Variants in MACROD2 observed in about 807,000 individuals in gnomAD.
MACROD2 encodes the protein mono-ADP ribosylhydrolase 2, also known as ADP-ribose glycohydrolase MACROD2.
In MACROD2, 36 loss-of-function variants were observed where a neutral mutation model predicts 70.4. The observed-to-expected ratio is 0.51, with a 90% CI of 0.39 to 0.68. MACROD2 has a LOEUF of 0.68. Ranked by LOEUF, MACROD2 falls within the 30% of genes least tolerant of loss-of-function variation. The pLI is 0.00. For missense variants in MACROD2, 496 were observed against 538.4 expected (o/e 0.92, Z 0.78); for synonymous variants, 172 against 178.8 (o/e 0.96, Z 0.30).
chr20:14,160,760 G>A (rs1276903184), intron 3 of MACROD2, among the ~76,000 whole-genome samples: 1 of 151,684 alleles, frequency 6.6e-6, no homozygotes, highest in Non-Finnish European at 1.5e-5. Flanking sequence ...TCCTAATTTT[G>A]CGTTTGTTTT....
At chr20:14,962,687 CCTT>C (rs1161572402) in intron 5 of MACROD2, among the ~76,000 whole-genome samples, 1 of 151,734 alleles carries the variant, frequency 6.6e-6, no homozygotes, top group East Asian at 1.9e-4. Flanking sequence ...ATTACTTCTT[CCTT>C]CTTATCTTTC....
At chr20:15,176,165 G>A (rs2076460175) in intron 5 of MACROD2, among the ~76,000 whole-genome samples, 1 of 152,222 alleles carries the variant, frequency 6.6e-6, no homozygotes, top group Admixed American at 6.5e-5. Context: ...CCAGGAGCAT[G>A]GGAGGGAAGC....
Position 15,690,059 on chromosome 20 carries a change from T to G in MACROD2, c.646-172686T>G, listed in dbSNP as rs147359724. Among the ~76,000 whole-genome samples the G allele has an allele frequency of 4.5e-4, 68 of 152,246 alleles. No individual in the cohort carries two copies. In the East Asian group the frequency reaches 0.013, roughly 29 times the overall value. On this transcript the variant is annotated intron_variant, in intron 8 of 17. Coordinates refer to ENST00000684519, the MANE Select transcript of MACROD2 (RefSeq NM_001351661.2). ...GTGCAATGAAAAACCATCTAATGGTTTTAGGTAGAGGAGCGCATGACCAGA... is the reference window on the plus strand; with the variant it reads ...GTGCAATGAAAAACCATCTAATGGTGTTAGGTAGAGGAGCGCATGACCAGA...
chr20:15,087,894 T>C (rs2075760587), intron 5 of MACROD2, among the ~76,000 whole-genome samples: 1 of 151,900 alleles, frequency 6.6e-6, no homozygotes, highest in African/African-American at 2.4e-5. Flanking sequence ...TTTTAAATGG[T>C]CAATAAACAT....
At chr20:15,919,781 G>A (rs2065374754) in intron 10 of MACROD2, among the ~76,000 whole-genome samples, 1 of 152,134 alleles carries the variant, frequency 6.6e-6, no homozygotes, top group Middle Eastern at 3.4e-3. Context: ...ATCTCAAGAC[G>A]ATCCACTGTC....
At chr20:14,049,066 C>T (rs1417324591) in intron 2 of MACROD2, among the ~76,000 whole-genome samples, 1 of 151,262 alleles carries the variant, frequency 6.6e-6, no homozygotes, top group Non-Finnish European at 1.5e-5. Flanking sequence ...TGACAAAATA[C>T]AGGCTGAAAT....
At chr20:15,611,164 A>G (rs1340395944) in intron 8 of MACROD2, among the ~76,000 whole-genome samples, 1 of 151,998 alleles carries the variant, frequency 6.6e-6, no homozygotes, top group Non-Finnish European at 1.5e-5. Context: ...ATATGTATGT[A>G]CCAGACACTG....
intron 5 of MACROD2, among the ~76,000 whole-genome samples, chr20:15,048,348 A>G (rs2075411976): frequency 6.6e-6 from 1 of 152,124 alleles, no homozygotes; most frequent in Non-Finnish European, 1.5e-5. Context: ...GAGTTTTGTT[A>G]CCACTGCATA....
chr20:15,660,515 TG>T (rs2049805115), intron 8 of MACROD2, among the ~76,000 whole-genome samples: 1 of 152,210 alleles, frequency 6.6e-6, no homozygotes, highest in Non-Finnish European at 1.5e-5. Flanking sequence ...AGCAGGATTT[TG>T]GTGTCAGTAA....
intron 6 of MACROD2, among the ~76,000 whole-genome samples, chr20:15,240,712 G>T (rs1174425907): frequency 3.9e-5 from 6 of 152,196 alleles, no homozygotes; most frequent in Admixed American, 3.3e-4. Context: ...CAATGTGATG[G>T]TATATAGAGA....
intron 5 of MACROD2, among the ~76,000 whole-genome samples, chr20:14,766,115 A>G (rs1019369618): frequency 3.4e-5 from 5 of 147,016 alleles, no homozygotes; most frequent in Admixed American, 2.1e-4. Context: ...ATCTCAGAAG[A>G]CATTTTTATA....
chr20:15,946,967 A>C (rs2065832351), intron 12 of MACROD2, among the ~76,000 whole-genome samples: 1 of 152,176 alleles, frequency 6.6e-6, no homozygotes, highest in South Asian at 2.1e-4. Context: ...GTTTAAGGGA[A>C]GGTACTATGC....
At chr20:15,852,667 A>T (rs914094899) in intron 8 of MACROD2, among the ~76,000 whole-genome samples, 1 of 152,218 alleles carries the variant, frequency 6.6e-6, no homozygotes, top group African/African-American at 2.4e-5. Context: ...TGAAATCTTT[A>T]TCCGTTACAC....
At chr20:14,547,493 G>A (rs904261164) in intron 4 of MACROD2, 7 of 170,576 alleles carry the variant, frequency 4.1e-5, no homozygotes, top group South Asian at 1.6e-4. Flanking sequence ...GTCTGGCTAG[G>A]TGTTGGATGG....
Position 15,987,077 on chromosome 20 carries a change from A to G in MACROD2, c.1072A>G (p.Asn358Asp), listed in dbSNP as rs138229827. The stretch of plus-strand genomic sequence containing the variant: ...CTCATTCTATTTAGAACTTTCATCA[A>G]ACCAAGAAGATGCCGTGATTGTGGA... ...SYMETEELSS[N>D]QEDAVIVEQP... The change falls in exon 15 of 18, where the codon AAC (asparagine) becomes GAC (aspartate). Residue 358 changes from asparagine to aspartate, a missense_variant. By Grantham distance (23) the Asn-to-Asp change is conservative. Coordinates refer to ENST00000684519, the MANE Select transcript of MACROD2 (RefSeq NM_001351661.2). The G allele has an allele frequency of 1.9e-6, 3 of 1,609,064 alleles. No homozygotes were observed. The African/African-American group carries it at 4.0e-5, about 22-fold the overall frequency.
At chr20:16,031,284 A>G (rs2067148115) in intron 15 of MACROD2, among the ~76,000 whole-genome samples, 1 of 152,180 alleles carries the variant, frequency 6.6e-6, no homozygotes, top group South Asian at 2.1e-4. Flanking sequence ...AAATCAAAAC[A>G]ATGAGGACAT....
At chr20:15,372,153 C>T (rs928465840) in intron 6 of MACROD2, among the ~76,000 whole-genome samples, 5 of 152,174 alleles carry the variant, frequency 3.3e-5, no homozygotes, top group Non-Finnish European at 7.3e-5. Flanking sequence ...AAAGTACTTT[C>T]CACTCACTCA....
intron 9 of MACROD2, among the ~76,000 whole-genome samples, chr20:15,880,703 G>T (rs765958860): frequency 2.6e-4 from 39 of 151,994 alleles, no homozygotes; most frequent in Non-Finnish European, 4.9e-4. Flanking sequence ...ACCCTAAAGG[G>T]TGTTAATTCT....
chr20:14,739,968 AT>A (rs1425631844), intron 5 of MACROD2, among the ~76,000 whole-genome samples: 2 of 152,058 alleles, frequency 1.3e-5, no homozygotes, highest in Non-Finnish European at 2.9e-5. Context: ...TAAAGTAAAA[AT>A]TTTCAAAGCA....
Sources: gnomAD v4.1 joint callset for allele counts (sites outside exome capture counted in the v4.1 genomes callset) on GRCh38, gnomAD v4.1.1 for gene constraint, MANE v1.5 for transcripts, NCBI Gene and HGNC (gene_info 2026-07-23, HGNC 2026-07-21) for gene names.